SMARCAD1: variants seen among roughly 807,000 people sequenced by gnomAD.
SMARCAD1 encodes SNF2 related chromatin remodeling ATPase with DExD box 1.
Under a neutral mutation model 127.1 loss-of-function variants are expected in SMARCAD1, and 25 were observed. That is an observed-to-expected ratio of 0.20 (90% CI 0.14 to 0.27). The LOEUF (loss-of-function observed/expected upper bound fraction) is 0.27, where lower values mean the gene tolerates loss of function less well. Among genes scored for constraint, SMARCAD1 ranks in the 10% least tolerant of loss-of-function variants. SMARCAD1 has a pLI of 1.00. For synonymous variants in SMARCAD1, 400 were observed against 396.9 expected, an observed-to-expected ratio of 1.01 and a Z score of -0.09; for missense variants, 807 against 1,206.0, an observed-to-expected ratio of 0.67 and a Z score of 4.90.
chr4:94,222,814 A>G (rs1037927975), intron 2 of SMARCAD1, among the ~76,000 whole-genome samples: 3 of 152,030 alleles, frequency 2.0e-5, no homozygotes, highest in African/African-American at 4.8e-5. Context: ...AAATACAAAA[A>G]TTAGCCGGGT....
chr4:94,256,419 A>G (rs1208830650), intron 9 of SMARCAD1, among the ~76,000 whole-genome samples: 4 of 151,966 alleles, frequency 2.6e-5, no homozygotes, highest in Admixed American at 1.3e-4. Context: ...CTGGAGTGCA[A>G]TGGTATGATC....
intron 6 of SMARCAD1, among the ~76,000 whole-genome samples, chr4:94,244,342 G>A (rs1748072162): frequency 6.6e-6 from 1 of 152,184 alleles, no homozygotes; most frequent in African/African-American, 2.4e-5. Flanking sequence ...TTGGCTGTCA[G>A]ACATAACTAT....
intron 15 of SMARCAD1, 69 bp from the exon 16 acceptor site, chr4:94,276,952 TG>T (rs1753396923): frequency 1.2e-5 from 18 of 1,507,876 alleles, no homozygotes; most frequent in Non-Finnish European, 1.7e-5. Context: ...CACCTTTCAC[TG>T]GGGAGGATAG....
chr4:94,226,089 A>C (rs778243245), intron 2 of SMARCAD1, 30 bp from the exon 3 acceptor site: 1 of 1,574,674 alleles, frequency 6.4e-7, no homozygotes, highest in South Asian at 1.1e-5. Flanking sequence ...AGTTGCTCAA[A>C]ATATTTTTCT....
intron 15 of SMARCAD1, among the ~76,000 whole-genome samples, 188 bp from the exon 16 acceptor site, chr4:94,276,834 G>T (rs527480969): frequency 6.6e-6 from 1 of 152,092 alleles, no homozygotes; most frequent in Non-Finnish European, 1.5e-5. Context: ...AATGGTTTTC[G>T]TATTCATTGC....
At chr4:94,250,692 C>A in intron 7 of SMARCAD1, 60 bp from the exon 8 acceptor site, 1 of 1,129,834 alleles carries the variant, frequency 8.9e-7, no homozygotes, top group Non-Finnish European at 1.3e-6. Context: ...AGAGCATAGA[C>A]GTTTTCTGCA....
chr4:94,280,476 T>C (rs1428802103), intron 19 of SMARCAD1, 116 bp from the exon 20 acceptor site: 4 of 919,570 alleles, frequency 4.3e-6, no homozygotes, highest in Non-Finnish European at 4.9e-6. Context: ...TCTGTTACAC[T>C]AAAAGGTTCT....
At position 94,245,662 on chromosome 4, in the gene SMARCAD1, A is replaced by G. The variant is rs184899328; in HGVS notation, c.706-3992A>G. ...TAACTCGTAAGCTGTAACTCTTCCA[A>G]TGTCCACAAGCAAACTTCAGCTCAT... On this transcript the variant is annotated intron_variant, in intron 6 of 23. Coordinates refer to ENST00000354268, the MANE Select transcript of SMARCAD1 (RefSeq NM_020159.5). Among the ~76,000 whole-genome samples the G allele has an allele frequency of 1.5e-4, 23 of 152,322 alleles. No individual in the cohort carries two copies. The South Asian group carries it at 2.1e-3, about 14-fold the overall frequency.
chr4:94,270,502 C>T (rs1383413956), intron 10 of SMARCAD1: 1 of 455,520 alleles, frequency 2.2e-6, no homozygotes, highest in African/African-American at 2.0e-5. Flanking sequence ...TATGGAAATG[C>T]TTGATTCTTA....
chr4:94,263,406 G>A (rs1751302945), intron 9 of SMARCAD1, among the ~76,000 whole-genome samples: 1 of 151,988 alleles, frequency 6.6e-6, no homozygotes, highest in Admixed American at 6.6e-5. Context: ...CACAAAGTAG[G>A]GGGAGTAGGA....
Position 94,240,539 on chromosome 4 carries a change from T to A in SMARCAD1, c.605-367T>A, listed in dbSNP as rs577346801. Among the ~76,000 whole-genome samples, 8 of 152,310 alleles carry A rather than the reference T, an allele frequency of 5.3e-5. No homozygotes were observed. The South Asian group carries it at 1.7e-3, about 32-fold the overall frequency. On this transcript the variant is annotated intron_variant, in intron 5 of 23. Transcript: ENST00000354268. ...CAGAAATTGCTGGTTTCTGTGATGG[T>A]ATTCAGATAACTTACACTTGGTGGG...
chr4:94,277,190 A>G, intron 16 of SMARCAD1, 31 bp downstream of exon 16: 1 of 1,612,158 alleles, frequency 6.2e-7, no homozygotes, highest in Middle Eastern at 1.7e-4. Flanking sequence ...TCTCCCAAAT[A>G]TGTTATTTGT....
chr4:94,279,930 T>A (rs915776575), intron 19 of SMARCAD1, among the ~76,000 whole-genome samples: 15 of 152,132 alleles, frequency 9.9e-5, no homozygotes, highest in Admixed American at 1.3e-4. Context: ...GATGGCATGA[T>A]CTCTGCTCAC....
Position 94,291,117 on chromosome 4 carries a change from T to C in SMARCAD1, c.*1583T>C. ...AGGAATTTTACCTTTTAAAATCTCA[T>C]AATGGATATCTCATGTTTTCTGTAT... On this transcript the variant is annotated 3_prime_UTR_variant, in exon 24 of 24. Coordinates refer to ENST00000354268, the MANE Select transcript of SMARCAD1 (RefSeq NM_020159.5). The C allele has an allele frequency of 4.4e-6, 2 of 450,520 alleles. No individual in the cohort carries two copies. The highest frequency in any genetic ancestry group is 8.9e-6 in the Non-Finnish European group (2 of 225,904). The allele number at this position is 450,520 out of a possible 1,614,324, so 27.9% of individuals were successfully genotyped here. A position where few individuals can be genotyped will look rare whatever the true frequency, so the allele number is the denominator to read the frequency against.
chr4:94,239,479 T>C (rs1261454862), intron 5 of SMARCAD1, among the ~76,000 whole-genome samples: 1 of 152,140 alleles, frequency 6.6e-6, no homozygotes, highest in Non-Finnish European at 1.5e-5. Context: ...AAAAAATGTA[T>C]ATCCAAAGTT....
chr4:94,275,492 TTC>T (rs1451160480), intron 14 of SMARCAD1, among the ~76,000 whole-genome samples: 1 of 152,178 alleles, frequency 6.6e-6, no homozygotes, highest in Non-Finnish European at 1.5e-5. Flanking sequence ...TAGTTATTAT[TTC>T]TCTCTACTGG....
chr4:94,279,065 T>C lies in SMARCAD1; in HGVS notation c.2418+15T>C. ...TTATGCTAAAGGTAAGGATTTCATA[T>C]TATGTTAACACTAAGCTTTAATAAG... On this transcript the variant is annotated intron_variant, in intron 19 of 23. Transcript: ENST00000354268. The C allele has an allele frequency of 6.2e-7, 1 of 1,613,920 alleles. No homozygotes were observed. Among genetic ancestry groups the C allele is most frequent in the Non-Finnish European group, 8.5e-7 (1 of 1,179,908 alleles).
chr4:94,264,672 T>C (rs754050277), intron 9 of SMARCAD1, 35 bp from the exon 10 acceptor site: 1 of 1,572,770 alleles, frequency 6.4e-7, no homozygotes, highest in Admixed American at 1.7e-5. Context: ...TTCCTAGATC[T>C]GAACTATTCA....
Position 94,249,712 on chromosome 4 carries a change from T to C in SMARCAD1, c.764T>C (p.Ile255Thr), listed in dbSNP as rs1748990294. The change falls in exon 7 of 24, where the codon ATT becomes ACT. Residue 255 changes from isoleucine to threonine, a missense_variant. By Grantham distance (89) the Ile-to-Thr change is moderately conservative. Around this residue, in one of 8 missense-constraint regions of SMARCAD1, gnomAD observed 257 missense variants for 303.4 expected, o/e 0.85. Transcript: ENST00000354268. ...SSSNWEKQES[I>T]VLKLQKEFPN... Reference sequence around the variant, plus strand: ...AGTAATTGGGAAAAGCAGGAAAGTATTGTACTGAAATTGCAAAAGGAATTT... The same window carrying C: ...AGTAATTGGGAAAAGCAGGAAAGTACTGTACTGAAATTGCAAAAGGAATTT... The C allele has an allele frequency of 5.6e-6, 9 of 1,610,664 alleles. No homozygotes were observed. Among genetic ancestry groups the C allele is most frequent in the Non-Finnish European group, 7.6e-6 (9 of 1,177,186 alleles).
Sources: allele counts gnomAD v4.1 joint callset (sites outside exome capture counted in the v4.1 genomes callset), GRCh38; gene constraint gnomAD v4.1.1; regional missense constraint gnomAD v4.1.1; transcripts MANE v1.5; gene names NCBI Gene and HGNC (gene_info 2026-07-23, HGNC 2026-07-21).